The following BLTP1 variants were observed in gnomAD, a reference collection of about 807,000 sequenced individuals.
BLTP1 encodes the protein bridge-like lipid transfer protein family member 1.
At chr4:122,312,516 A>C in the BLTP1 span, among the ~76,000 whole-genome samples, 5 of 152,104 alleles carry the variant, frequency 3.3e-5, no homozygotes, top group East Asian at 9.6e-4. Context: ...TGTGGGTCTT[A>C]TTGTTCAGAT....
the BLTP1 span, chr4:122,190,098 T>C: frequency 5.0e-6 from 8 of 1,611,426 alleles, no homozygotes; most frequent in Non-Finnish European, 6.8e-6. Flanking sequence ...GTTGTTGTTG[T>C]TGCTGTTTTT....
chr4:122,349,697 G>A, the BLTP1 span: 9 of 1,548,204 alleles, frequency 5.8e-6, no homozygotes, highest in Non-Finnish European at 7.0e-6. The surrounding 1 kb of genome is among the most constrained non-coding windows in gnomAD (Gnocchi z 4.5). Context: ...TCAACATATT[G>A]TCTATCATCT....
the BLTP1 span, among the ~76,000 whole-genome samples, chr4:122,268,845 GAC>G: frequency 2.0e-5 from 3 of 152,158 alleles, no homozygotes; most frequent in African/African-American, 7.2e-5. Context: ...CACTATCACT[GAC>G]ACATTTTGAA....
chr4:122,304,171 A>G, the BLTP1 span, among the ~76,000 whole-genome samples: 1 of 152,174 alleles, frequency 6.6e-6, no homozygotes, highest in Non-Finnish European at 1.5e-5. Context: ...AAAGATTACA[A>G]CCCACTAAAA....
At chr4:122,183,123 C>A in the BLTP1 span, 1 of 684,354 alleles carries the variant, frequency 1.5e-6, no homozygotes, top group Non-Finnish European at 1.8e-6. Flanking sequence ...ATTGCTTGAG[C>A]CCAGAAGTTT....
At chr4:122,243,733 T>G in the BLTP1 span, 1 of 1,197,428 alleles carries the variant, frequency 8.4e-7, no homozygotes, top group South Asian at 2.8e-5. Flanking sequence ...AAAAAAAAAG[T>G]CAAGTCCAAT....
chr4:122,305,691 G>C, the BLTP1 span: 1 of 933,870 alleles, frequency 1.1e-6, no homozygotes, highest in African/African-American at 1.8e-5. Flanking sequence ...TTTACTTCTT[G>C]CATGGCTATT....
At chr4:122,337,132 G>C in the BLTP1 span, 1 of 948,372 alleles carries the variant, frequency 1.1e-6, no homozygotes, top group Non-Finnish European at 1.6e-6. Context: ...TCAGGTTCAT[G>C]AACCTTTAGT....
At chr4:122,339,083 A>G in the BLTP1 span, 1 of 1,133,632 alleles carries the variant, frequency 8.8e-7, no homozygotes, top group Non-Finnish European at 1.2e-6. Flanking sequence ...CAGGTGATAT[A>G]CTTTATTTCT....
At chr4:122,219,408 A>C in the BLTP1 span, 1 of 1,614,176 alleles carries the variant, frequency 6.2e-7, no homozygotes, top group African/African-American at 1.3e-5. Flanking sequence ...CTGTTTTGTC[A>C]CTGTCAACAT....
the BLTP1 span, chr4:122,236,790 G>T: frequency 5.1e-5 from 50 of 977,946 alleles, no homozygotes; most frequent in Non-Finnish European, 6.1e-5. Flanking sequence ...GTAATAGGAA[G>T]TGTCTGTATC....
chr4:122,261,858 C>T, the BLTP1 span: 2 of 985,384 alleles, frequency 2.0e-6, no homozygotes, highest in Non-Finnish European at 1.2e-6. Context: ...ACCCTTCCTC[C>T]ACCTTTCCTC....
chr4:122,259,312 C>T, the BLTP1 span, among the ~76,000 whole-genome samples: 2 of 152,224 alleles, frequency 1.3e-5, no homozygotes, highest in African/African-American at 4.8e-5. Context: ...GAAACCTGCC[C>T]CGCCACTTAG....
chr4:122,199,857 T>A, the BLTP1 span: 2 of 920,580 alleles, frequency 2.2e-6, no homozygotes, highest in South Asian at 1.0e-4. Flanking sequence ...ACTTGATGAG[T>A]AAGGTAAAAT....
chr4:122,304,908 T>C, the BLTP1 span: 1 of 1,614,000 alleles, frequency 6.2e-7, no homozygotes, highest in Non-Finnish European at 8.5e-7. Flanking sequence ...CACCAGGAAG[T>C]AGCAGCTATC....
the BLTP1 span, chr4:122,266,998 TATA>T: frequency 9.5e-7 from 1 of 1,056,066 alleles, no homozygotes; most frequent in African/African-American, 1.7e-5. Context: ...GTGCAAGAAT[TATA>T]ATACGTTTGT....
chr4:122,349,472 T>C, the BLTP1 span: 1 of 1,590,344 alleles, frequency 6.3e-7, no homozygotes, highest in South Asian at 1.1e-5. The surrounding 1 kb of genome is among the most constrained non-coding windows in gnomAD (Gnocchi z 4.5). Flanking sequence ...AACATCCAAA[T>C]CAGCAACCCA....
chr4:122,305,623 C>A, the BLTP1 span: 125 of 965,902 alleles, frequency 1.3e-4, no homozygotes, highest in Non-Finnish European at 1.5e-4. Flanking sequence ...TAATACATTG[C>A]CATTTAGAAT....
the BLTP1 span, among the ~76,000 whole-genome samples, chr4:122,242,285 C>A: frequency 6.6e-6 from 1 of 151,994 alleles, no homozygotes; most frequent in Non-Finnish European, 1.5e-5. Flanking sequence ...GTGAAATATT[C>A]TTCTGCCATA....
Sources: allele counts gnomAD v4.1 joint callset (sites outside exome capture counted in the v4.1 genomes callset), GRCh38; gene constraint gnomAD v4.1.1; non-coding constraint Gnocchi (gnomAD v3.1); transcripts MANE v1.5; gene names NCBI Gene and HGNC (gene_info 2026-07-23, HGNC 2026-07-21).